The following FAM120C variants were observed in gnomAD, a reference collection of about 807,000 sequenced individuals.
The protein encoded by FAM120C is family with sequence similarity 120 member C.
FAM120C carries 14 observed loss-of-function variants against 71.2 expected under a neutral mutation model. The ratio of observed to expected loss-of-function variants is 0.20; its 90% CI spans 0.13 to 0.31. The LOEUF (loss-of-function observed/expected upper bound fraction) is 0.31, where lower values mean the gene tolerates loss of function less well. Ranked by LOEUF, FAM120C falls within the 10% of genes least tolerant of loss-of-function variation. FAM120C has a pLI of 1.00. For missense variants in FAM120C, 500 were observed against 879.0 expected, an observed-to-expected ratio of 0.57 and a Z score of 5.45; for synonymous variants, 354 against 353.2, an observed-to-expected ratio of 1.00 and a Z score of -0.03.
chrX:54,180,125 G>C (rs1270701637), intron 1 of FAM120C, among the ~76,000 whole-genome samples: 1 of 111,896 alleles, frequency 8.9e-6, no homozygotes, highest in Non-Finnish European at 1.9e-5. Flanking sequence ...CTTCTCTAAA[G>C]ATTTTGACTG....
intron 1 of FAM120C, among the ~76,000 whole-genome samples, chrX:54,170,166 T>TGTTGGGCA (rs1381612570): frequency 9.0e-6 from 1 of 111,522 alleles, no homozygotes; most frequent in Admixed American, 9.5e-5. Flanking sequence ...GATGGAGTTT[T>TGTTGGGCA]GCTCTTGTTG....
In FAM120C at chrX:54,136,559, T is replaced by C; in HGVS notation, c.1190A>G (p.Lys397Arg). 1 of 1,209,042 alleles carries C rather than the reference T, an allele frequency of 8.3e-7. No homozygotes were observed. The highest frequency in any genetic ancestry group is 1.1e-6 in the Non-Finnish European group (1 of 893,151). Residue 397 changes from lysine (K) to arginine (R), a missense_variant, in exon 5 of 16, where the codon AAG (lysine) becomes AGG (arginine). Transcript: ENST00000375180. ...GACTGAATAATACTCAACTGCTTTCTTGAATCGCTCTATTTTATCTTCTGT... is the reference window on the plus strand; with the variant it reads ...GACTGAATAATACTCAACTGCTTTCCTGAATCGCTCTATTTTATCTTCTGT... ...SRTEDKIERF[K>R]KAVEYYSVTT...
chrX:54,148,375 A>G (rs1290588223), intron 4 of FAM120C, among the ~76,000 whole-genome samples: 3 of 111,860 alleles, frequency 2.7e-5, no homozygotes, highest in African/African-American at 9.7e-5. Flanking sequence ...GGCCAGGTGC[A>G]GTGGCTCACA....
intron 4 of FAM120C, among the ~76,000 whole-genome samples, chrX:54,144,788 C>T (rs1944962381): frequency 8.9e-6 from 1 of 111,910 alleles, no homozygotes; most frequent in African/African-American, 3.2e-5. Flanking sequence ...CTACCAATGA[C>T]TTTCTTCACA....
chrX:54,166,802 T>C (rs2067261764), intron 1 of FAM120C, among the ~76,000 whole-genome samples: 1 of 111,934 alleles, frequency 8.9e-6, no homozygotes, highest in Non-Finnish European at 1.9e-5. Context: ...AATGAACTGA[T>C]AATATTGGTC....
intron 11 of FAM120C, among the ~76,000 whole-genome samples, chrX:54,089,482 A>G (rs1361167019): frequency 9.0e-6 from 1 of 111,694 alleles, no homozygotes; most frequent in Non-Finnish European, 1.9e-5. Context: ...TGCAAAAGGC[A>G]AGCACTAACT....
At chrX:54,141,395 A>G (rs1557131642) in intron 4 of FAM120C, among the ~76,000 whole-genome samples, 1 of 111,333 alleles carries the variant, frequency 9.0e-6, no homozygotes, top group African/African-American at 3.3e-5. Context: ...TAAAGAAGAA[A>G]TACAACATGA....
intron 9 of FAM120C, among the ~76,000 whole-genome samples, chrX:54,118,759 A>T (rs1603356262): frequency 2.6e-5 from 1 of 39,089 alleles, no homozygotes; most frequent in Non-Finnish European, 4.1e-5. Context: ...ACATGTGCAT[A>T]TTGTGCAGGT....
At chrX:54,155,841 A>C (rs1373526616) in intron 3 of FAM120C, among the ~76,000 whole-genome samples, 1 of 111,004 alleles carries the variant, frequency 9.0e-6, no homozygotes, top group African/African-American at 3.3e-5. Flanking sequence ...CCAGCTACTC[A>C]GGAGGTTTAG....
At chrX:54,164,205 T>C (rs2067248839) in intron 1 of FAM120C, among the ~76,000 whole-genome samples, 1 of 111,952 alleles carries the variant, frequency 8.9e-6, no homozygotes, top group African/African-American at 3.2e-5. Flanking sequence ...GTGCTGGGAT[T>C]AGAGGCGTGA....
Position 54,157,710 on chromosome X carries a change from T to A in FAM120C, c.1008A>T (p.Glu336Asp). The A allele has an allele frequency of 1.7e-6, 2 of 1,208,806 alleles. No individual in the cohort carries two copies. Among genetic ancestry groups the A allele is most frequent in the Non-Finnish European group, 2.2e-6 (2 of 892,940 alleles). ...TTACCTTAAGTGATGCAAGAGGATG[T>A]TCTGGTCCCAAGAGGCTCCAGTGAA... is the stretch of plus-strand genomic sequence containing the variant. The part of the protein sequence containing the change: ...AAFHWSLLGP[E>D]HPLASLKVRA... Residue 336 changes from glutamate to aspartate, a missense_variant, in exon 3 of 16, where the codon GAA becomes GAT. This residue lies in a region of FAM120C where 55 missense variants were observed against 96.7 expected (regional missense o/e 0.57). Transcript: ENST00000375180.
chrX:54,125,051 T>A (rs1569532505), intron 9 of FAM120C, among the ~76,000 whole-genome samples: 1 of 110,518 alleles, frequency 9.0e-6, no homozygotes, highest in Non-Finnish European at 1.9e-5. Flanking sequence ...TGCAGCTTTG[T>A]CAATAATCAG....
chrX:54,182,434 G>C, intron 1 of FAM120C, 66 bp downstream of exon 1: 1 of 1,106,125 alleles, frequency 9.0e-7, no homozygotes, highest in South Asian at 2.1e-5. Context: ...TGGGTAGGTG[G>C]TTAGGTATTT....
intron 15 of FAM120C, 64 bp from the exon 16 acceptor site, chrX:54,073,351 T>G: frequency 9.1e-7 from 1 of 1,104,116 alleles, no homozygotes; most frequent in Non-Finnish European, 1.2e-6. Flanking sequence ...TTCCTAAGCA[T>G]ATTCATAAGC....
At chrX:54,109,173 C>T (rs2066922177) in intron 10 of FAM120C, among the ~76,000 whole-genome samples, 1 of 38,368 alleles carries the variant, frequency 2.6e-5, no homozygotes, top group Admixed American at 3.8e-4. Context: ...AGCACATGAG[C>T]GTGATCAGCC....
intron 1 of FAM120C, among the ~76,000 whole-genome samples, chrX:54,173,169 G>A (rs1557136169): frequency 8.9e-6 from 1 of 112,535 alleles, no homozygotes; most frequent in African/African-American, 3.2e-5. Context: ...TATTTTATCT[G>A]TATCTAGAAA....
intron 10 of FAM120C, among the ~76,000 whole-genome samples, chrX:54,114,442 G>GT (rs2066956490): frequency 9.2e-6 from 1 of 109,123 alleles, no homozygotes; most frequent in Non-Finnish European, 1.9e-5. Flanking sequence ...TTGTTTTTTT[G>GT]GTTTTTTTTT....
chrX:54,081,337 C>T lies in FAM120C; in HGVS notation c.2963G>A (p.Gly988Asp). The change falls in exon 14 of 16, where the codon GGT becomes GAT. Residue 988 changes from glycine to aspartate, a missense_variant. Physicochemically the swap from Gly to Asp is moderately conservative, Grantham distance 94. Transcript: ENST00000375180. ...GSFGMQVVSV[G>D]GPGKGHGKEQ... ...GGGTACATACCCCTTTCCTGGCCCA[C>T]CGACAGAAACCACTTGCATGCCGAA... 1.7e-6 allele frequency: 2 copies of T among 1,209,619 alleles called. No individual in the cohort carries two copies. Among genetic ancestry groups the T allele is most frequent in the Non-Finnish European group, 2.2e-6 (2 of 894,670 alleles).
chrX:54,161,409 G>A (rs1557134408), intron 1 of FAM120C, among the ~76,000 whole-genome samples: 1 of 111,506 alleles, frequency 9.0e-6, no homozygotes, highest in African/African-American at 3.3e-5. Flanking sequence ...AAGTCTCTAG[G>A]TGTCACCAAA....
Sources: allele counts gnomAD v4.1 joint callset (sites outside exome capture counted in the v4.1 genomes callset), GRCh38; gene constraint gnomAD v4.1.1; regional missense constraint gnomAD v4.1.1; transcripts MANE v1.5; gene names NCBI Gene and HGNC (gene_info 2026-07-23, HGNC 2026-07-21).